The following KCNT2 variants were observed in gnomAD, a reference collection of about 807,000 sequenced individuals.
KCNT2 encodes potassium channel subfamily T member 2.
KCNT2 carries 67 observed loss-of-function variants against 153.8 expected under a neutral mutation model. That is an observed-to-expected ratio of 0.44 (90% CI 0.36 to 0.53). The LOEUF (loss-of-function observed/expected upper bound fraction) is 0.53, where lower values mean the gene tolerates loss of function less well. Among genes scored for constraint, KCNT2 ranks in the 20% least tolerant of loss-of-function variants. The pLI, the probability that KCNT2 is intolerant of heterozygous loss-of-function variation, is 0.00. For synonymous variants in KCNT2, 500 were observed against 458.8 expected, an observed-to-expected ratio of 1.09 and a Z score of -1.15; for missense variants, 975 against 1,354.8, an observed-to-expected ratio of 0.72 and a Z score of 4.40.
intron 1 of KCNT2, among the ~76,000 whole-genome samples, chr1:196,513,944 C>G (rs1681844496): frequency 6.6e-6 from 1 of 152,112 alleles, no homozygotes; most frequent in Non-Finnish European, 1.5e-5. Context: ...AAGTAGAAGC[C>G]TCTACGCTTA....
Position 196,319,528 on chromosome 1 carries a change from G to T in KCNT2, c.2304C>A (p.Ile768=). 6.2e-7 allele frequency: 1 copy of T among 1,610,086 alleles called. No individual in the cohort carries two copies. Among genetic ancestry groups the T allele is most frequent in the Non-Finnish European group, 8.5e-7 (1 of 1,177,376 alleles). ...TGTAGTAAACCATTGGAAACCAACA[G>T]ATTGCATCCAGAAAATGCATATCTG... The part of the protein sequence containing the change: ...NPPDMHFLDA[I]CWFPMVYYMV... Residue 768 remains isoleucine (I), a synonymous_variant, in exon 20 of 28, where the codon ATC becomes ATA. Transcript: ENST00000294725.
intron 14 of KCNT2, among the ~76,000 whole-genome samples, chr1:196,370,542 T>C (rs781705706): frequency 2.6e-5 from 4 of 151,678 alleles, no homozygotes; most frequent in Admixed American, 1.3e-4. Context: ...AGGATGGTTA[T>C]GATAAAAAAA....
chr1:196,316,714 G>C (rs1454098088), intron 20 of KCNT2, among the ~76,000 whole-genome samples: 1 of 151,418 alleles, frequency 6.6e-6, no homozygotes, highest in African/African-American at 2.4e-5. Context: ...AGCTAAAATA[G>C]AGTCAGTCTT....
intron 1 of KCNT2, among the ~76,000 whole-genome samples, chr1:196,576,512 T>A (rs1661402709): frequency 6.6e-6 from 1 of 152,058 alleles, no homozygotes; most frequent in Non-Finnish European, 1.5e-5. Flanking sequence ...ATATAAAAAT[T>A]TTGCACATTA....
At chr1:196,423,626 C>CTTA (rs1673399682) in intron 11 of KCNT2, among the ~76,000 whole-genome samples, 2 of 151,082 alleles carry the variant, frequency 1.3e-5, no homozygotes, top group African/African-American at 4.9e-5. Context: ...GATAAAGACA[C>CTTA]AGTATATTTT....
intron 8 of KCNT2, 85 bp from the exon 9 acceptor site, chr1:196,429,842 C>T: frequency 1.1e-6 from 1 of 939,008 alleles, no homozygotes. Flanking sequence ...AGCCAAAGCA[C>T]ATTTCATAAA....
chr1:196,575,462 A>G (rs115411599), intron 1 of KCNT2, among the ~76,000 whole-genome samples: 80 of 152,226 alleles, frequency 5.3e-4, no homozygotes, highest in Admixed American at 7.9e-4. Flanking sequence ...CCTAACGTCT[A>G]ATGGGAAAAC....
chr1:196,489,823 A>T lies in KCNT2; in HGVS notation c.275+15T>A, dbSNP rs1263149871. The T allele has an allele frequency of 1.5e-6, 2 of 1,315,956 alleles. No homozygotes were observed. The highest frequency in any genetic ancestry group is 2.1e-5 in the Admixed American group (1 of 48,502). The allele number at this position is 1,315,956 out of a possible 1,614,324, so 81.5% of individuals were successfully genotyped here. On this transcript the variant is annotated intron_variant, in intron 3 of 27. Coordinates refer to ENST00000294725, the MANE Select transcript of KCNT2 (RefSeq NM_198503.5). ...TCAAAATAATATTGTTGAAGGTCAG[A>T]AAAAGGTACCTTACCATTCATTTCC...
intron 23 of KCNT2, among the ~76,000 whole-genome samples, chr1:196,282,579 G>A (rs1380697333): frequency 6.6e-6 from 1 of 151,946 alleles, no homozygotes; most frequent in African/African-American, 2.4e-5. Context: ...AATAATTTTT[G>A]TCTAGAAATA....
At chr1:196,326,341 A>G (rs1165754239) in intron 19 of KCNT2, among the ~76,000 whole-genome samples, 2 of 151,996 alleles carry the variant, frequency 1.3e-5, no homozygotes. Flanking sequence ...CTGATAATTA[A>G]TGGTTCTTTA....
At chr1:196,306,697 C>T (rs190888049) in intron 21 of KCNT2, among the ~76,000 whole-genome samples, 3 of 151,690 alleles carry the variant, frequency 2.0e-5, no homozygotes, top group Admixed American at 2.0e-4. Flanking sequence ...GACACTAACA[C>T]ATTCTTAAGA....
chr1:196,270,039 A>G lies in KCNT2; in HGVS notation c.2910+10821T>C, dbSNP rs901955453. Among the ~76,000 whole-genome samples the G allele has an allele frequency of 2.6e-5, 4 of 151,906 alleles. 1 individual carries two copies. The highest frequency in any genetic ancestry group is 3.8e-4 in the East Asian group (2 of 5,200). On this transcript the variant is annotated intron_variant, in intron 25 of 27. Coordinates refer to ENST00000294725, the MANE Select transcript of KCNT2 (RefSeq NM_198503.5). ...ATTGTTTTTCTTATGAAATCAGACT[A>G]TTTCTGTTTTCTTTCACTGTGCAGT...
intron 14 of KCNT2, among the ~76,000 whole-genome samples, chr1:196,364,220 G>A (rs369225756): frequency 2.6e-5 from 4 of 152,128 alleles, no homozygotes; most frequent in Non-Finnish European, 4.4e-5. Context: ...TATGGAAAGC[G>A]TATGTGTGAA....
chr1:196,557,351 A>G (rs114236801), intron 1 of KCNT2, among the ~76,000 whole-genome samples: 2 of 151,422 alleles, frequency 1.3e-5, no homozygotes, highest in Non-Finnish European at 3.0e-5. Context: ...ACAAAATTCA[A>G]CTTTTCTAGA....
chr1:196,392,008 T>C (rs1670533053), intron 13 of KCNT2, among the ~76,000 whole-genome samples: 1 of 151,380 alleles, frequency 6.6e-6, no homozygotes, highest in South Asian at 2.1e-4. Context: ...ATAAAATTAT[T>C]ATTGACCATT....
chr1:196,312,845 A>G (rs1014442225), intron 21 of KCNT2, among the ~76,000 whole-genome samples: 2 of 151,762 alleles, frequency 1.3e-5, no homozygotes, highest in Non-Finnish European at 2.9e-5. Flanking sequence ...CAAAGCTTTA[A>G]TCCTAAATAG....
chr1:196,433,496 T>C (rs1308458227), intron 8 of KCNT2, among the ~76,000 whole-genome samples: 1 of 152,068 alleles, frequency 6.6e-6, no homozygotes, highest in African/African-American at 2.4e-5. Flanking sequence ...TGAAACTAAA[T>C]TGAGGTGATG....
chr1:196,425,387 C>G (rs554000320), intron 11 of KCNT2, among the ~76,000 whole-genome samples: 1 of 151,650 alleles, frequency 6.6e-6, no homozygotes, highest in African/African-American at 2.4e-5. Context: ...CCAGGCAACA[C>G]AAGTGCTATG....
At chr1:196,324,253 A>G (rs563266735) in intron 19 of KCNT2, among the ~76,000 whole-genome samples, 165 of 152,148 alleles carry the variant, frequency 1.1e-3, no homozygotes, top group Admixed American at 2.4e-3. Flanking sequence ...TAATGCAAAA[A>G]TAAACCAAAG....
Sources: gnomAD v4.1 joint callset for allele counts (sites outside exome capture counted in the v4.1 genomes callset) on GRCh38, gnomAD v4.1.1 for gene constraint, MANE v1.5 for transcripts, NCBI Gene and HGNC (gene_info 2026-07-23, HGNC 2026-07-21) for gene names.